GLIS3: variants seen among roughly 807,000 people sequenced by gnomAD.
GLIS3 encodes GLIS family zinc finger 3.
In GLIS3, 53 loss-of-function variants were observed where a neutral mutation model predicts 78.6. The ratio of observed to expected loss-of-function variants is 0.67; its 90% CI spans 0.54 to 0.85. The LOEUF (loss-of-function observed/expected upper bound fraction) is 0.85. GLIS3 is among the 40% of genes least tolerant of loss of function. The pLI is 0.00. For synonymous variants in GLIS3, 684 were observed against 509.9 expected (o/e 1.34, Z -4.60); for missense variants, 1,703 against 1,231.1 (o/e 1.38, Z -5.74).
chr9:4,023,006 G>A (rs142229336), intron 4 of GLIS3, among the ~76,000 whole-genome samples: 93 of 152,252 alleles, frequency 6.1e-4, no homozygotes, highest in African/African-American at 2.1e-3. Flanking sequence ...GTGATTTCAC[G>A]GAGGTACACA....
At chr9:4,071,429 A>G (rs1255334748) in intron 4 of GLIS3, 1 of 152,208 alleles carries the variant, frequency 6.6e-6, no homozygotes, top group Non-Finnish European at 1.5e-5. Context: ...AAGCCAAACT[A>G]AACACTAACT....
At chr9:4,114,330 G>A (rs1397298605) in intron 4 of GLIS3, among the ~76,000 whole-genome samples, 3 of 152,106 alleles carry the variant, frequency 2.0e-5, no homozygotes, top group Admixed American at 6.5e-5. Context: ...CATTCACTAT[G>A]GATATTGTTA....
At chr9:4,404,967 C>A in the GLIS3 span, among the ~76,000 whole-genome samples, 1 of 151,986 alleles carries the variant, frequency 6.6e-6, no homozygotes, top group Non-Finnish European at 1.5e-5. Context: ...AATTGATGAA[C>A]CTTTAACCAG....
Position 4,125,755 on chromosome 9 carries a change from T to G in GLIS3, c.575A>C (p.Asn192Thr). 2 of 1,613,842 alleles carry G rather than the reference T, an allele frequency of 1.2e-6. No individual in the cohort carries two copies. Among genetic ancestry groups the G allele is most frequent in the Non-Finnish European group, 1.7e-6 (2 of 1,179,930 alleles). Reference protein sequence around the residue: ...LQRAMNAANLNIPPSDTRSLI... With the variant: ...LQRAMNAANLTIPPSDTRSLI... ...AGACCTGGTATCTGAAGGAGGTATA[T>G]TCAGGTTGGCTGCATTCATTGCCCT... is the stretch of plus-strand genomic sequence containing the variant. The change falls in exon 3 of 11, where the codon AAT becomes ACT. Residue 192 changes from asparagine to threonine, a missense_variant. Physicochemically the swap from Asn to Thr is moderately conservative, Grantham distance 65. Transcript: ENST00000381971.
chr9:4,323,368 A>C (rs1007580499), intron 2 of GLIS3, among the ~76,000 whole-genome samples: 1 of 152,244 alleles, frequency 6.6e-6, no homozygotes, highest in East Asian at 1.9e-4. Context: ...TTTAAATTTC[A>C]TAAGAAGAGT....
chr9:4,374,219 C>T, the GLIS3 span, among the ~76,000 whole-genome samples: 1 of 152,128 alleles, frequency 6.6e-6, no homozygotes, highest in Non-Finnish European at 1.5e-5. Flanking sequence ...TATTTCTCCT[C>T]CAAGAGAAGT....
At chr9:4,461,880 A>G in the GLIS3 span, among the ~76,000 whole-genome samples, 1 of 152,328 alleles carries the variant, frequency 6.6e-6, no homozygotes, top group Non-Finnish European at 1.5e-5. Context: ...GATTTCAGAG[A>G]TCCTTTGTTA....
At chr9:4,202,156 T>TC (rs973588091) in intron 2 of GLIS3, among the ~76,000 whole-genome samples, 4 of 146,124 alleles carry the variant, frequency 2.7e-5, no homozygotes, top group Non-Finnish European at 1.5e-5. Context: ...CTTTTTCTTT[T>TC]TTTTTTTTTT....
Position 3,941,699 on chromosome 9 carries a change from T to C in GLIS3, c.1711-4510A>G, listed in dbSNP as rs556556. 8.9e-3 allele frequency among the ~76,000 whole-genome samples: 1,354 copies of C among 152,300 alleles called. 20 individuals are homozygous for C. Among genetic ancestry groups the C allele is most frequent in the African/African-American group, 0.031 (1,298 of 41,552 alleles). On this transcript the variant is annotated intron_variant, in intron 4 of 10. Coordinates refer to ENST00000381971, the MANE Select transcript of GLIS3 (RefSeq NM_001042413.2). ...AAACTGTAAGTGATAGAACTTACAC[T>C]CATGGGTCTTGAAAATACTGCACTG...
At chr9:4,442,487 G>C in the GLIS3 span, among the ~76,000 whole-genome samples, 68 of 152,040 alleles carry the variant, frequency 4.5e-4, no homozygotes, top group African/African-American at 1.6e-3. Flanking sequence ...CAGAACTTGG[G>C]AGTGAAAACA....
At chr9:3,882,916 A>G (rs535979252) in intron 7 of GLIS3, among the ~76,000 whole-genome samples, 8 of 152,368 alleles carry the variant, frequency 5.3e-5, no homozygotes, top group Non-Finnish European at 1.0e-4. Context: ...ACAACCTAGT[A>G]GAAGCCTGTA....
chr9:4,321,740 G>C (rs774920403), intron 2 of GLIS3, among the ~76,000 whole-genome samples: 2 of 150,322 alleles, frequency 1.3e-5, no homozygotes, highest in Admixed American at 1.3e-4. Flanking sequence ...TTTAGACAGA[G>C]TCTCACTGTC....
At chr9:4,439,963 A>C in the GLIS3 span, among the ~76,000 whole-genome samples, 3 of 152,202 alleles carry the variant, frequency 2.0e-5, no homozygotes, top group East Asian at 3.8e-4. Context: ...GATTACAGGC[A>C]TGAGCCACCG....
At chr9:4,176,548 G>A (rs1394846228) in intron 2 of GLIS3, among the ~76,000 whole-genome samples, 1 of 151,832 alleles carries the variant, frequency 6.6e-6, no homozygotes, top group East Asian at 1.9e-4. Context: ...TTTAGGGTAG[G>A]AGGAATTTTT....
At chr9:4,146,177 C>A (rs1287419626) in intron 2 of GLIS3, among the ~76,000 whole-genome samples, 2 of 152,106 alleles carry the variant, frequency 1.3e-5, no homozygotes, top group Non-Finnish European at 2.9e-5. Context: ...GGAAAGTGCA[C>A]TTTCATGAAA....
At position 4,107,862 on chromosome 9, in the gene GLIS3, C is replaced by A. The variant is rs533907395; in HGVS notation, c.1710+9906G>T. ...AACCATTTTATTTCTTTATTTTTAACATTTTATTATGGGAAATTTCAAATC... is the reference window on the plus strand; with the variant it reads ...AACCATTTTATTTCTTTATTTTTAAAATTTTATTATGGGAAATTTCAAATC... On this transcript the variant is annotated intron_variant, in intron 4 of 10. Transcript: ENST00000381971. Among the ~76,000 whole-genome samples, 28 of 151,910 alleles carry A rather than the reference C, an allele frequency of 1.8e-4. No homozygotes were observed. In the East Asian group the frequency reaches 3.3e-3, roughly 18 times the overall value.
chr9:3,836,654 C>A (rs1469531757), intron 9 of GLIS3, among the ~76,000 whole-genome samples: 1 of 152,168 alleles, frequency 6.6e-6, no homozygotes, highest in Non-Finnish European at 1.5e-5. Flanking sequence ...GGTACAAAAC[C>A]AGTGAAGCCC....
At chr9:4,415,553 G>C in the GLIS3 span, among the ~76,000 whole-genome samples, 23 of 152,030 alleles carry the variant, frequency 1.5e-4, no homozygotes, top group Admixed American at 5.2e-4. Context: ...TCTTGTTCTC[G>C]GCCACTTCTC....
At chr9:4,202,525 A>G (rs1218221691) in intron 2 of GLIS3, among the ~76,000 whole-genome samples, 1 of 152,184 alleles carries the variant, frequency 6.6e-6, no homozygotes, top group Non-Finnish European at 1.5e-5. Flanking sequence ...ATGCTAAGCA[A>G]AAAGAACAAA....
Sources: gnomAD v4.1 joint callset for allele counts (sites outside exome capture counted in the v4.1 genomes callset) on GRCh38, gnomAD v4.1.1 for gene constraint, MANE v1.5 for transcripts, NCBI Gene and HGNC (gene_info 2026-07-23, HGNC 2026-07-21) for gene names.